Variants in GRAMD1B observed in about 807,000 individuals in gnomAD.
GRAMD1B encodes the protein protein Aster-B.
Under a neutral mutation model 99.7 loss-of-function variants are expected in GRAMD1B, and 37 were observed. That is an observed-to-expected ratio of 0.37 (90% CI 0.29 to 0.49). The LOEUF (loss-of-function observed/expected upper bound fraction) is 0.49. GRAMD1B is among the 20% of genes least tolerant of loss of function. The pLI, the probability that GRAMD1B is intolerant of heterozygous loss-of-function variation, is 0.98. For missense variants in GRAMD1B, 888 were observed against 1,009.2 expected (o/e 0.88, Z 1.63); for synonymous variants, 427 against 387.6 (o/e 1.10, Z -1.19).
chr11:123,621,219 C>T (rs1330922807), intron 19 of GRAMD1B, among the ~76,000 whole-genome samples: 1 of 152,156 alleles, frequency 6.6e-6, no homozygotes, highest in Non-Finnish European at 1.5e-5. Context: ...AAATCCGTAA[C>T]CATTTACCCC....
Position 123,591,692 on chromosome 11 carries a change from C to T in GRAMD1B, c.685-2390C>T, listed in dbSNP as rs780721319. On this transcript the variant is annotated intron_variant, in intron 4 of 19. Coordinates refer to ENST00000635736, the MANE Select transcript of GRAMD1B (RefSeq NM_001387025.1). The surrounding 1 kb of genome is among the most constrained non-coding windows in gnomAD (Gnocchi z 4.7). ...AAATTGAAATAGGTGAGCCAGGCCCCGCCTTTGGGGGTGGAGGAGGGAGAG... is the reference window on the plus strand; with the variant it reads ...AAATTGAAATAGGTGAGCCAGGCCCTGCCTTTGGGGGTGGAGGAGGGAGAG... 1.3e-3 allele frequency among the ~76,000 whole-genome samples: 204 copies of T among 152,302 alleles called. 3 individuals carry two copies. Among genetic ancestry groups the T allele is most frequent in the East Asian group, 1.2e-3 (6 of 5,182 alleles).
chr11:123,559,014 T>C (rs1287058568), intron 2 of GRAMD1B, among the ~76,000 whole-genome samples: 2 of 152,234 alleles, frequency 1.3e-5, no homozygotes, highest in African/African-American at 4.8e-5. Context: ...CAGCATGTTT[T>C]CCTATGCAGC....
chr11:123,582,852 C>T (rs577265041), intron 3 of GRAMD1B, among the ~76,000 whole-genome samples: 4 of 152,256 alleles, frequency 2.6e-5, no homozygotes, highest in African/African-American at 7.2e-5. Context: ...TGGGTTGGGA[C>T]GCTTTAACAC....
At chr11:123,526,706 G>A (rs1406653678) in intron 2 of GRAMD1B, among the ~76,000 whole-genome samples, 1 of 152,126 alleles carries the variant, frequency 6.6e-6, no homozygotes, top group Non-Finnish European at 1.5e-5. Context: ...GTCCAGAGGC[G>A]AGTGGACCGC....
At chr11:123,579,200 G>C (rs773432435) in intron 3 of GRAMD1B, among the ~76,000 whole-genome samples, 1 of 152,234 alleles carries the variant, frequency 6.6e-6, no homozygotes, top group Non-Finnish European at 1.5e-5. Context: ...AACGTGCAGC[G>C]AGTGGAGGGT....
chr11:123,397,540 C>G (rs114173720), intron 1 of GRAMD1B, among the ~76,000 whole-genome samples: 4,514 of 152,272 alleles, frequency 0.03, 74 homozygotes, highest in Middle Eastern at 0.071. Flanking sequence ...GAGACAGGCT[C>G]TCACTCAGGC....
intron 2 of GRAMD1B, among the ~76,000 whole-genome samples, chr11:123,506,761 C>T (rs1033640554): frequency 2.3e-5 from 3 of 130,616 alleles, no homozygotes; most frequent in African/African-American, 9.5e-5. Context: ...CCCCTCTCTC[C>T]CACCCTGTTT....
chr11:123,408,496 T>G (rs1354511261), intron 1 of GRAMD1B, among the ~76,000 whole-genome samples: 1 of 152,258 alleles, frequency 6.6e-6, no homozygotes, highest in East Asian at 1.9e-4. Context: ...TCTATTTTAT[T>G]TTTCACAGTA....
At chr11:123,376,445 G>C (rs1946693353) in intron 1 of GRAMD1B, among the ~76,000 whole-genome samples, 1 of 152,158 alleles carries the variant, frequency 6.6e-6, no homozygotes, top group Non-Finnish European at 1.5e-5. Context: ...AAATTGTTTT[G>C]AATGTTCTCT....
intron 17 of GRAMD1B, among the ~76,000 whole-genome samples, chr11:123,617,033 A>C (rs1207154101): frequency 6.6e-6 from 1 of 152,246 alleles, no homozygotes; most frequent in East Asian, 1.9e-4. Flanking sequence ...TACCTTCCAC[A>C]GTACCAGAAG....
chr11:123,478,506 G>T (rs1431102777), intron 1 of GRAMD1B, among the ~76,000 whole-genome samples: 2 of 152,232 alleles, frequency 1.3e-5, no homozygotes, highest in Non-Finnish European at 2.9e-5. Flanking sequence ...AGGGGCGCCA[G>T]AAAGGAGGCA....
intron 1 of GRAMD1B, among the ~76,000 whole-genome samples, chr11:123,373,107 C>T (rs1409115216): frequency 6.6e-6 from 1 of 152,044 alleles, no homozygotes; most frequent in Non-Finnish European, 1.5e-5. Context: ...CCACTGCAAT[C>T]CAGCCTGGGC....
intron 2 of GRAMD1B, among the ~76,000 whole-genome samples, chr11:123,547,764 G>A (rs762339503): frequency 3.6e-4 from 55 of 152,180 alleles, no homozygotes; most frequent in Non-Finnish European, 5.9e-5. Context: ...AGGCCTTGCC[G>A]AGTATGATGC....
intron 1 of GRAMD1B, among the ~76,000 whole-genome samples, chr11:123,401,117 G>C (rs968429439): frequency 6.6e-6 from 1 of 152,116 alleles, no homozygotes; most frequent in African/African-American, 2.4e-5. Flanking sequence ...CCACTTTCTA[G>C]ATGAAGAGAT....
At chr11:123,512,408 A>T (rs1941119128) in intron 2 of GRAMD1B, among the ~76,000 whole-genome samples, 1 of 152,204 alleles carries the variant, frequency 6.6e-6, no homozygotes, top group African/African-American at 2.4e-5. Context: ...TGGTTTGGAA[A>T]GGTCTGTTTA....
At chr11:123,369,828 C>T (rs892876304) in intron 1 of GRAMD1B, among the ~76,000 whole-genome samples, 5 of 151,530 alleles carry the variant, frequency 3.3e-5, no homozygotes, top group African/African-American at 7.3e-5. Context: ...ACCGAGTTCC[C>T]GCCACTGCAT....
intron 1 of GRAMD1B, among the ~76,000 whole-genome samples, chr11:123,372,759 T>C (rs955955975): frequency 3.9e-5 from 6 of 152,236 alleles, no homozygotes; most frequent in Non-Finnish European, 7.3e-5. Context: ...TAATATCATA[T>C]GCATATGAAT....
intron 17 of GRAMD1B, 111 bp downstream of exon 17, chr11:123,614,946 T>A: frequency 1.6e-6 from 1 of 617,738 alleles, no homozygotes; most frequent in Admixed American, 2.8e-5. Flanking sequence ...TTGCCCTGGT[T>A]TTTGCCTTAT....
chr11:123,609,699 T>C, intron 12 of GRAMD1B, 96 bp from the exon 13 acceptor site: 2 of 751,602 alleles, frequency 2.7e-6, no homozygotes, highest in Non-Finnish European at 2.3e-6. Flanking sequence ...CAGGCAGTAG[T>C]AAGCACAGTC....
Sources: allele counts gnomAD v4.1 joint callset (sites outside exome capture counted in the v4.1 genomes callset), GRCh38; gene constraint gnomAD v4.1.1; non-coding constraint Gnocchi (gnomAD v3.1); transcripts MANE v1.5; gene names NCBI Gene and HGNC (gene_info 2026-07-23, HGNC 2026-07-21).